ZC3H12B: variants seen among roughly 807,000 people sequenced by gnomAD.
ZC3H12B encodes the protein probable ribonuclease ZC3H12B.
ZC3H12B carries 7 observed loss-of-function variants against 43.9 expected under a neutral mutation model. That is an observed-to-expected ratio of 0.16 (90% confidence interval 0.09 to 0.30). The LOEUF (loss-of-function observed/expected upper bound fraction) is 0.30, where lower values mean the gene tolerates loss of function less well. ZC3H12B is among the 10% of genes least tolerant of loss of function. The probability of loss-of-function intolerance (pLI) is 1.00; values close to 1 mark genes in which losing one functional copy is unlikely to be tolerated. For missense variants in ZC3H12B, 475 were observed against 670.2 expected (o/e 0.71, Z 3.22); for synonymous variants, 222 against 241.7 (o/e 0.92, Z 0.76).
chrX:65,129,285 A>ATGG, the ZC3H12B span, among the ~76,000 whole-genome samples: 1 of 107,945 alleles, frequency 9.3e-6, no homozygotes, highest in African/African-American at 3.4e-5. Flanking sequence ...ATATATACAC[A>ATGG]CACTAGAATA....
the ZC3H12B span, among the ~76,000 whole-genome samples, chrX:65,297,091 G>A: frequency 4.5e-5 from 5 of 111,512 alleles, no homozygotes; most frequent in African/African-American, 1.6e-4. Flanking sequence ...ACTGGAACAA[G>A]AGAAGGATGC....
the ZC3H12B span, among the ~76,000 whole-genome samples, chrX:65,326,514 G>A: frequency 9.1e-6 from 1 of 109,835 alleles, no homozygotes; most frequent in Admixed American, 9.7e-5. Flanking sequence ...AATAGTATAG[G>A]GTAGGGACGA....
chrX:65,295,681 G>T, the ZC3H12B span, among the ~76,000 whole-genome samples: 1 of 111,768 alleles, frequency 8.9e-6, no homozygotes, highest in East Asian at 2.8e-4. Flanking sequence ...GAAAAGAATA[G>T]AGAAGATCCA....
At chrX:65,073,124 G>A in the ZC3H12B span, among the ~76,000 whole-genome samples, 1 of 112,485 alleles carries the variant, frequency 8.9e-6, no homozygotes, top group Non-Finnish European at 1.9e-5. Flanking sequence ...GCAATGGTAT[G>A]GTTGGGGGAT....
the ZC3H12B span, among the ~76,000 whole-genome samples, chrX:65,235,734 A>C: frequency 8.9e-6 from 1 of 111,920 alleles, no homozygotes; most frequent in East Asian, 2.8e-4. Flanking sequence ...ACGGTGCTTC[A>C]AGGGGTGTTA....
the ZC3H12B span, among the ~76,000 whole-genome samples, chrX:65,125,860 C>T: frequency 9.0e-6 from 1 of 110,956 alleles, no homozygotes; most frequent in Non-Finnish European, 1.9e-5. Flanking sequence ...TATGTGAATT[C>T]TTACAGGTTA....
At chrX:65,204,463 G>T in the ZC3H12B span, among the ~76,000 whole-genome samples, 1 of 111,956 alleles carries the variant, frequency 8.9e-6, no homozygotes, top group East Asian at 2.8e-4. Flanking sequence ...TATTATCAAT[G>T]ATTAGTATCT....
the ZC3H12B span, among the ~76,000 whole-genome samples, chrX:65,044,410 A>T: frequency 4.5e-5 from 5 of 111,680 alleles, no homozygotes; most frequent in African/African-American, 1.6e-4. Context: ...AGAGGCCAAA[A>T]CATATAGACT....
chrX:65,368,453 T>C (rs937575461), intron 1 of ZC3H12B, among the ~76,000 whole-genome samples: 1 of 112,072 alleles, frequency 8.9e-6, no homozygotes, highest in South Asian at 3.7e-4. Context: ...ATAATAGTTA[T>C]TAAATTCACT....
At chrX:65,307,936 A>G in the ZC3H12B span, among the ~76,000 whole-genome samples, 1 of 111,987 alleles carries the variant, frequency 8.9e-6, no homozygotes, top group African/African-American at 3.2e-5. Flanking sequence ...AACCTTTAAT[A>G]AAATACTGAA....
At chrX:65,144,421 G>A in the ZC3H12B span, among the ~76,000 whole-genome samples, 257 of 111,853 alleles carry the variant, frequency 2.3e-3, 2 homozygotes, top group African/African-American at 7.7e-3. Context: ...TTCAAAGAAC[G>A]AGGTTTTTGT....
chrX:65,502,560 C>T lies in ZC3H12B; in HGVS notation c.1862C>T (p.Ser621Phe), dbSNP rs779281412. The T allele has an allele frequency of 4.1e-6, 5 of 1,210,799 alleles. No homozygotes were observed. In the South Asian group the frequency reaches 8.8e-5, roughly 21 times the overall value. ...AATTTGAAGCTGCACCGCTCAGCAT[C>T]CCAGAACCGACTTCAGCCTTTTCCT... The change falls in exon 5 of 5, where the codon TCC (serine) becomes TTC (phenylalanine). Residue 621 changes from serine (S) to phenylalanine (F), a missense_variant. Coordinates refer to ENST00000338957, the Ensembl canonical transcript of ZC3H12B.
chrX:65,212,140 A>G, the ZC3H12B span, among the ~76,000 whole-genome samples: 4 of 55,289 alleles, frequency 7.2e-5, no homozygotes, highest in African/African-American at 2.3e-4. Context: ...ACTATATATT[A>G]TATTAACATT....
chrX:65,134,431 G>T, the ZC3H12B span, among the ~76,000 whole-genome samples: 1 of 111,825 alleles, frequency 8.9e-6, no homozygotes, highest in Non-Finnish European at 1.9e-5. Context: ...TGGGTCCATG[G>T]ATAAAATGTG....
chrX:65,073,707 G>A, the ZC3H12B span, among the ~76,000 whole-genome samples: 1 of 111,823 alleles, frequency 8.9e-6, no homozygotes. Flanking sequence ...GGCTTCCCCT[G>A]CCAACTCAAG....
chrX:65,121,134 G>A, the ZC3H12B span, among the ~76,000 whole-genome samples: 25 of 111,170 alleles, frequency 2.2e-4, 1 homozygote, highest in Non-Finnish European at 4.0e-4. Flanking sequence ...GTCTCTGCCC[G>A]GCTTTGGTAT....
At chrX:65,188,694 T>A in the ZC3H12B span, among the ~76,000 whole-genome samples, 1 of 111,388 alleles carries the variant, frequency 9.0e-6, no homozygotes, top group Non-Finnish European at 1.9e-5. Context: ...TATTTCTTGG[T>A]TTCTTTTTTA....
At chrX:65,091,145 T>C in the ZC3H12B span, among the ~76,000 whole-genome samples, 2 of 110,945 alleles carry the variant, frequency 1.8e-5, no homozygotes, top group Non-Finnish European at 3.8e-5. Flanking sequence ...CTAATACAGC[T>C]CTATTGGTGT....
the ZC3H12B span, among the ~76,000 whole-genome samples, chrX:65,162,501 C>T: frequency 9.0e-6 from 1 of 111,728 alleles, no homozygotes; most frequent in East Asian, 2.8e-4. Flanking sequence ...TCCCTTCTCA[C>T]TTCATTTCAT....
Sources: gnomAD v4.1 joint callset for allele counts (sites outside exome capture counted in the v4.1 genomes callset) on GRCh38, gnomAD v4.1.1 for gene constraint, MANE v1.5 for transcripts, NCBI Gene and HGNC (gene_info 2026-07-23, HGNC 2026-07-21) for gene names.